WWOX: variants seen among roughly 807,000 people sequenced by gnomAD.
WWOX encodes the protein WW domain containing oxidoreductase, also known as WW domain-containing oxidoreductase.
WWOX carries 69 observed loss-of-function variants against 46.2 expected under a neutral mutation model. That is an observed-to-expected ratio of 1.49 (90% CI 1.23 to 1.82). The LOEUF is 1.82. Among genes scored for constraint, WWOX ranks in the 40% most tolerant of loss-of-function variants. The pLI is 0.00. For synonymous variants in WWOX, 359 were observed against 202.6 expected, an observed-to-expected ratio of 1.77 and a Z score of -6.56; for missense variants, 919 against 542.6, an observed-to-expected ratio of 1.69 and a Z score of -6.89.
intron 6 of WWOX, among the ~76,000 whole-genome samples, chr16:78,410,305 A>G (rs1206182337): frequency 6.6e-6 from 1 of 152,212 alleles, no homozygotes; most frequent in Admixed American, 6.5e-5. Context: ...CAGTGCAAGA[A>G]TAGCTTAACA....
chr16:78,244,877 G>A (rs1184440929), intron 5 of WWOX, among the ~76,000 whole-genome samples: 2 of 151,980 alleles, frequency 1.3e-5, no homozygotes, highest in Admixed American at 1.3e-4. Flanking sequence ...ACACAATAGG[G>A]ACATATTCAT....
At chr16:78,442,780 G>C (rs1323425521) in intron 8 of WWOX, among the ~76,000 whole-genome samples, 1 of 151,800 alleles carries the variant, frequency 6.6e-6, no homozygotes, top group East Asian at 1.9e-4. Context: ...GGGAGTTCGA[G>C]ACCAGCCTGG....
At chr16:79,086,592 G>C (rs2048858262) in intron 8 of WWOX, among the ~76,000 whole-genome samples, 3 of 152,166 alleles carry the variant, frequency 2.0e-5, no homozygotes, top group Non-Finnish European at 4.4e-5. Context: ...TAAAGAATTT[G>C]TGTCCTGGCC....
chr16:79,041,028 C>A (rs1220670416), intron 8 of WWOX, among the ~76,000 whole-genome samples: 1 of 151,810 alleles, frequency 6.6e-6, no homozygotes, highest in Non-Finnish European at 1.5e-5. Flanking sequence ...TGCATTTCAC[C>A]GTTCTGAGCT....
chr16:78,578,410 C>A (rs1011803459), intron 8 of WWOX, among the ~76,000 whole-genome samples: 1 of 148,934 alleles, frequency 6.7e-6, no homozygotes, highest in Non-Finnish European at 1.5e-5. Flanking sequence ...CTGCCTCAGC[C>A]TCCTGAGTAG....
intron 8 of WWOX, among the ~76,000 whole-genome samples, chr16:78,893,878 G>C (rs988842474): frequency 6.6e-6 from 1 of 152,004 alleles, no homozygotes; most frequent in Non-Finnish European, 1.5e-5. Context: ...TAGAACACAA[G>C]ATTTTCTAGA....
At chr16:78,909,685 C>T (rs181916507) in intron 8 of WWOX, among the ~76,000 whole-genome samples, 1 of 152,310 alleles carries the variant, frequency 6.6e-6, no homozygotes, top group East Asian at 1.9e-4. Context: ...TAATATATTT[C>T]TTACCAGGAG....
intron 8 of WWOX, among the ~76,000 whole-genome samples, chr16:78,895,036 A>T (rs373500659): frequency 5.3e-5 from 8 of 152,154 alleles, no homozygotes; most frequent in Non-Finnish European, 1.2e-4. Context: ...CGAGAACTCT[A>T]TGTCTTATCT....
At chr16:78,391,338 T>C (rs1307060923) in intron 6 of WWOX, among the ~76,000 whole-genome samples, 3 of 152,212 alleles carry the variant, frequency 2.0e-5, no homozygotes, top group African/African-American at 4.8e-5. Context: ...TAGTTTGTTA[T>C]AAGAGTCCTG....
Position 79,211,917 on chromosome 16 carries a change from A to G in WWOX, c.*121A>G. 6.5e-7 allele frequency: 1 copy of G among 1,545,260 alleles called. No homozygotes were observed. Among genetic ancestry groups the G allele is most frequent in the Non-Finnish European group, 8.7e-7 (1 of 1,149,760 alleles). ...CAGATCCGCAAGAGTAAAGGAAATAAGAGCAGTCACAACAGAGTGAAAAAT... is the reference window on the plus strand; with the variant it reads ...CAGATCCGCAAGAGTAAAGGAAATAGGAGCAGTCACAACAGAGTGAAAAAT... On this transcript the variant is annotated 3_prime_UTR_variant, in exon 9 of 9. Transcript: ENST00000566780.
At chr16:78,951,678 A>T (rs76340317) in intron 8 of WWOX, among the ~76,000 whole-genome samples, 1 of 152,102 alleles carries the variant, frequency 6.6e-6, no homozygotes, top group African/African-American at 2.4e-5. Context: ...AGTGGAATTC[A>T]GGACTGCGGT....
chr16:78,467,062 G>T (rs1461943622), intron 8 of WWOX, among the ~76,000 whole-genome samples: 2 of 152,108 alleles, frequency 1.3e-5, no homozygotes, highest in African/African-American at 4.8e-5. Flanking sequence ...GATTAGTTAT[G>T]TGTTTGCCTG....
intron 4 of WWOX, among the ~76,000 whole-genome samples, chr16:78,139,577 G>A (rs942160317): frequency 1.3e-5 from 2 of 152,216 alleles, no homozygotes; most frequent in Non-Finnish European, 2.9e-5. Flanking sequence ...CCCAGGAGGC[G>A]GAGGTTGCAG....
intron 8 of WWOX, among the ~76,000 whole-genome samples, chr16:78,841,488 C>G (rs1360085354): frequency 6.6e-6 from 1 of 152,130 alleles, no homozygotes; most frequent in East Asian, 1.9e-4. Context: ...TGGAAAGTGG[C>G]AAATGCTACT....
chr16:78,578,257 TATATATATA>T (rs1567657274), intron 8 of WWOX, among the ~76,000 whole-genome samples: 25 of 29,358 alleles, frequency 8.5e-4, no homozygotes, highest in African/African-American at 2.4e-3. Flanking sequence ...CCAAATTTTA[TATATATATA>T]TATATATATA....
intron 8 of WWOX, among the ~76,000 whole-genome samples, chr16:78,759,597 C>T (rs746420924): frequency 1.3e-5 from 2 of 152,142 alleles, no homozygotes. Context: ...AATTCTCAAT[C>T]TGTGGATGAG....
rs184619435 is a variant in WWOX at position 79,030,295 on chromosome 16, G to T, written c.1057-181313G>T. On this transcript the variant is annotated intron_variant, in intron 8 of 8. Transcript: ENST00000566780. ...AATTACTTTATGACTTCTTCATTAGGGTTTCTCTCCTCCAGTGCGTACGCA... is the reference window on the plus strand; with the variant it reads ...AATTACTTTATGACTTCTTCATTAGTGTTTCTCTCCTCCAGTGCGTACGCA... 2.0e-5 allele frequency among the ~76,000 whole-genome samples: 3 copies of T among 152,100 alleles called. No individual in the cohort carries two copies. The East Asian group carries it at 5.8e-4, about 29-fold the overall frequency.
At chr16:78,793,916 A>G (rs948107013) in intron 8 of WWOX, among the ~76,000 whole-genome samples, 1 of 152,150 alleles carries the variant, frequency 6.6e-6, no homozygotes, top group African/African-American at 2.4e-5. Flanking sequence ...TTTGAAAAAA[A>G]AAAGTGAAAT....
chr16:78,771,704 G>A (rs1447033951), intron 8 of WWOX, among the ~76,000 whole-genome samples: 1 of 152,024 alleles, frequency 6.6e-6, no homozygotes, highest in Non-Finnish European at 1.5e-5. Flanking sequence ...CCTAGGAGGT[G>A]GAGGTTGCAG....
Sources: allele counts gnomAD v4.1 joint callset (sites outside exome capture counted in the v4.1 genomes callset), GRCh38; gene constraint gnomAD v4.1.1; transcripts MANE v1.5; gene names NCBI Gene and HGNC (gene_info 2026-07-23, HGNC 2026-07-21).